ARHGEF7: variants seen among roughly 807,000 people sequenced by gnomAD.
ARHGEF7 encodes the protein PAK-interacting exchange factor beta.
Under a neutral mutation model 109.8 loss-of-function variants are expected in ARHGEF7, and 33 were observed. The ratio of observed to expected loss-of-function variants is 0.30; its 90% CI spans 0.23 to 0.40. ARHGEF7 has a LOEUF of 0.40. Among genes scored for constraint, ARHGEF7 ranks in the 10% least tolerant of loss-of-function variants. The pLI, the probability that ARHGEF7 is intolerant of heterozygous loss-of-function variation, is 1.00. For synonymous variants in ARHGEF7, 458 were observed against 424.6 expected, an observed-to-expected ratio of 1.08 and a Z score of -0.97; for missense variants, 938 against 1,098.5, an observed-to-expected ratio of 0.85 and a Z score of 2.07.
chr13:111,156,007 C>T (rs1321218638), intron 2 of ARHGEF7, among the ~76,000 whole-genome samples: 1 of 150,470 alleles, frequency 6.6e-6, no homozygotes, highest in East Asian at 2.0e-4. Context: ...ATCCCTTGAA[C>T]CCCGGAGGCA....
In ARHGEF7 at chr13:111,131,868, GA is replaced by G. The variant is rs2074771545; in HGVS notation, c.165+16179del. On this transcript the variant is annotated intron_variant, in intron 1 of 21. Coordinates refer to ENST00000646102, the MANE Select transcript of ARHGEF7 (RefSeq NM_001354046.2). This position sits in a 1 kb window ranked among gnomAD's most constrained non-coding sequence, Gnocchi z 4.4. ...GAGCAATGCAGGCATGCCCAGGACT[GA>G]AGAGGGGGCTGGGAGGGAGCCTGGC... 6.6e-6 allele frequency among the ~76,000 whole-genome samples: 1 copy of G among 152,336 alleles called. No homozygotes were observed. The highest frequency in any genetic ancestry group is 2.1e-4 in the South Asian group (1 of 4,832).
chr13:111,157,521 C>A (rs957093136), intron 2 of ARHGEF7, among the ~76,000 whole-genome samples: 1 of 151,534 alleles, frequency 6.6e-6, no homozygotes, highest in African/African-American at 2.4e-5. Context: ...CTCTACTAAT[C>A]ACGCCACTGC....
chr13:111,219,447 G>T (rs1016210051), intron 5 of ARHGEF7, among the ~76,000 whole-genome samples: 1 of 152,206 alleles, frequency 6.6e-6, no homozygotes, highest in Non-Finnish European at 1.5e-5. Context: ...GCTGCTAGGA[G>T]CATGGTTGTG....
intron 2 of ARHGEF7, among the ~76,000 whole-genome samples, chr13:111,188,617 A>C (rs1357573957): frequency 6.6e-6 from 1 of 151,894 alleles, no homozygotes; most frequent in African/African-American, 2.4e-5. Context: ...GTAAAACAGC[A>C]GCCGTTAGCA....
chr13:111,221,749 GTTCTGTCCCTCTATTAC>G (rs1458118920), intron 5 of ARHGEF7, among the ~76,000 whole-genome samples: 1 of 149,678 alleles, frequency 6.7e-6, no homozygotes, highest in African/African-American at 2.5e-5. Flanking sequence ...AATATTATTA[GTTCTGTCCCTCTATTAC>G]TTCTGTCCCT....
At chr13:111,280,434 T>C in intron 14 of ARHGEF7, 84 bp downstream of exon 14, 2 of 1,584,950 alleles carry the variant, frequency 1.3e-6, no homozygotes, top group Non-Finnish European at 1.7e-6. Context: ...CTTGCGTATT[T>C]CAGAAGGTGG....
chr13:111,179,467 A>C (rs569037941), intron 2 of ARHGEF7, among the ~76,000 whole-genome samples: 1 of 152,230 alleles, frequency 6.6e-6, no homozygotes, highest in African/African-American at 2.4e-5. Flanking sequence ...ATACTTCAGC[A>C]TGTGTATCTT....
At chr13:111,293,611 C>T in intron 19 of ARHGEF7, 4 of 985,312 alleles carry the variant, frequency 4.1e-6, no homozygotes, top group Non-Finnish European at 4.8e-6. Context: ...GTGTTCTGTC[C>T]CATGCACGCT....
chr13:111,212,923 C>T (rs1242998418), intron 4 of ARHGEF7, among the ~76,000 whole-genome samples: 2 of 152,120 alleles, frequency 1.3e-5, no homozygotes, highest in Non-Finnish European at 2.9e-5. Flanking sequence ...TATTGGTTGA[C>T]ATGAGGAAAC....
chr13:111,216,344 C>T (rs1322984925), intron 4 of ARHGEF7, among the ~76,000 whole-genome samples: 2 of 152,164 alleles, frequency 1.3e-5, no homozygotes, highest in Non-Finnish European at 2.9e-5. Flanking sequence ...TGGGTGGTCT[C>T]AGGCCTTCCC....
chr13:111,240,998 C>A, intron 6 of ARHGEF7: 1 of 668,162 alleles, frequency 1.5e-6, no homozygotes, highest in African/African-American at 1.9e-5. Flanking sequence ...TTTAATGATG[C>A]AACGAATAAA....
intron 2 of ARHGEF7, among the ~76,000 whole-genome samples, chr13:111,172,273 G>A (rs951253665): frequency 6.6e-6 from 1 of 151,910 alleles, no homozygotes; most frequent in South Asian, 2.1e-4. Context: ...ATGTGGTCCT[G>A]GAAGTATATA....
rs535102236 is a variant in ARHGEF7, at chr13:111,131,102, T to C, written c.165+15411T>C. Among the ~76,000 whole-genome samples, 4 of 152,300 alleles carry C rather than the reference T, an allele frequency of 2.6e-5. No individual in the cohort carries two copies. Among genetic ancestry groups the C allele is most frequent in the African/African-American group, 9.6e-5 (4 of 41,564 alleles). Reference sequence around the variant, plus strand: ...GTTCTGTGCTTTGAAAACAATACTCTAGCCATAGCGTGGAGAACAGATGAA... The same window carrying C: ...GTTCTGTGCTTTGAAAACAATACTCCAGCCATAGCGTGGAGAACAGATGAA... On this transcript the variant is annotated intron_variant, in intron 1 of 21. Coordinates refer to ENST00000646102, the MANE Select transcript of ARHGEF7 (RefSeq NM_001354046.2). The surrounding 1 kb of genome is among the most constrained non-coding windows in gnomAD (Gnocchi z 4.4).
chr13:111,159,280 A>T (rs1594103254), intron 2 of ARHGEF7, among the ~76,000 whole-genome samples: 1 of 152,018 alleles, frequency 6.6e-6, no homozygotes, highest in African/African-American at 2.4e-5. Context: ...TTATTCTCTC[A>T]TCTTTCAGTG....
At chr13:111,298,339 A>C (rs901292335) in intron 19 of ARHGEF7, among the ~76,000 whole-genome samples, 1 of 152,306 alleles carries the variant, frequency 6.6e-6, no homozygotes, top group East Asian at 1.9e-4. Context: ...CCTGGCTGGC[A>C]CCCCATGCTC....
intron 4 of ARHGEF7, among the ~76,000 whole-genome samples, chr13:111,213,240 G>A (rs2082713162): frequency 6.6e-6 from 1 of 152,152 alleles, no homozygotes; most frequent in African/African-American, 2.4e-5. Context: ...GGAGCATGGT[G>A]GGCATAGATG....
chr13:111,117,690 T>C (rs1348013642), intron 1 of ARHGEF7, among the ~76,000 whole-genome samples: 1 of 152,162 alleles, frequency 6.6e-6, no homozygotes, highest in Admixed American at 6.5e-5. Context: ...TCTTTCTTTC[T>C]TTCTCTCTCT....
intron 2 of ARHGEF7, among the ~76,000 whole-genome samples, chr13:111,170,504 G>A (rs1465960175): frequency 1.3e-5 from 2 of 152,212 alleles, no homozygotes; most frequent in African/African-American, 2.4e-5. Flanking sequence ...TATCTCTTAT[G>A]TAGGGAAGCT....
At chr13:111,279,897 A>C (rs757834300) in intron 13 of ARHGEF7, among the ~76,000 whole-genome samples, 5 of 152,224 alleles carry the variant, frequency 3.3e-5, no homozygotes, top group Non-Finnish European at 5.9e-5. Context: ...AGGAAAATAC[A>C]TGGTTCTTTT....
Sources: gnomAD v4.1 joint callset for allele counts (sites outside exome capture counted in the v4.1 genomes callset) on GRCh38, gnomAD v4.1.1 for gene constraint, Gnocchi (gnomAD v3.1) non-coding constraint, MANE v1.5 for transcripts, NCBI Gene and HGNC (gene_info 2026-07-23, HGNC 2026-07-21) for gene names.